Variants in PKD1 observed in about 807,000 individuals in gnomAD.
PKD1 encodes the protein polycystin 1, transient receptor potential channel interacting, also known as polycystin-1.
Under a neutral mutation model 361.7 loss-of-function variants are expected in PKD1, and 81 were observed. The observed-to-expected ratio is 0.22, with a 90% CI of 0.19 to 0.27. The LOEUF (loss-of-function observed/expected upper bound fraction) is 0.27, where lower values mean the gene tolerates loss of function less well. Ranked by LOEUF, PKD1 falls within the 10% of genes least tolerant of loss-of-function variation. The probability of loss-of-function intolerance (pLI) is 1.00; values close to 1 mark genes in which losing one functional copy is unlikely to be tolerated. For synonymous variants in PKD1, 3,615 were observed against 2,818.3 expected, an observed-to-expected ratio of 1.28 and a Z score of -8.95; for missense variants, 6,399 against 6,118.3, an observed-to-expected ratio of 1.05 and a Z score of -1.53.
chr16:2,103,833 C>G lies in PKD1; in HGVS notation c.8224G>C (p.Glu2742Gln), dbSNP rs202159463. 41 of 1,607,334 alleles carry G rather than the reference C, an allele frequency of 2.6e-5. No individual in the cohort carries two copies. Among genetic ancestry groups the G allele is most frequent in the Non-Finnish European group, 3.5e-5 (41 of 1,178,860 alleles). The change falls in exon 23 of 46, where the codon GAG becomes CAG. Residue 2742 changes from glutamate (E) to glutamine (Q), a missense_variant. Glu to Gln is a conservative substitution (Grantham distance 29). Coordinates refer to ENST00000262304, the MANE Select transcript of PKD1 (RefSeq NM_001009944.3). The part of the protein sequence containing the change: ...RAPQPSELGA[E>Q]SPSRMVASQA... ...GACGCCACCATCCGAGATGGTGACT[C>G]GGCTCCCAGCTCTGAGGGCTGTGGT...
Position 2,090,916 on chromosome 16 carries a change from C to T in PKD1, c.11971G>A (p.Ala3991Thr), listed in dbSNP as rs767201992. 37 of 1,590,282 alleles carry T rather than the reference C, an allele frequency of 2.3e-5. No individual in the cohort carries two copies. Among genetic ancestry groups the T allele is most frequent in the Non-Finnish European group, 3.1e-5 (36 of 1,174,798 alleles). ...AAAAGCAGGAAGAGCAGCGAGGCCGCCAGGCCACGGGCTGCGGAGCTCAGC... is the reference window on the plus strand; with the variant it reads ...AAAAGCAGGAAGAGCAGCGAGGCCGTCAGGCCACGGGCTGCGGAGCTCAGC... ...AQLSSAARGL[A>T]ASLLFLLLVK... Residue 3991 changes from alanine to threonine, a missense_variant, in exon 43 of 46, where the codon GCG becomes ACG. Coordinates refer to ENST00000262304, the MANE Select transcript of PKD1 (RefSeq NM_001009944.3).
intron 34 of PKD1, among the ~76,000 whole-genome samples, chr16:2,094,552 G>A (rs1408482293): frequency 6.6e-6 from 1 of 152,128 alleles, no homozygotes; most frequent in African/African-American, 2.4e-5. Flanking sequence ...ACTATGATTG[G>A]GTCTCAACCA....
chr16:2,134,684 G>A (rs548808581), intron 1 of PKD1, among the ~76,000 whole-genome samples: 1 of 149,664 alleles, frequency 6.7e-6, no homozygotes, highest in Non-Finnish European at 1.5e-5. Flanking sequence ...AAATCTCCAC[G>A]GTCCCTATGC....
chr16:2,120,202 A>C (rs2092698341), intron 1 of PKD1: 1 of 309,564 alleles, frequency 3.2e-6, no homozygotes, highest in Non-Finnish European at 5.9e-6. Flanking sequence ...AAACGGCGAG[A>C]CTCTACCTCA....
chr16:2,091,202 G>C (rs1000474665), intron 42 of PKD1, 28 bp from the exon 43 acceptor site: 5 of 1,330,496 alleles, frequency 3.8e-6, no homozygotes, highest in Non-Finnish European at 4.8e-6. Flanking sequence ...AGGAGGGCGG[G>C]AGGGACGCTG....
At chr16:2,119,969 G>C in intron 1 of PKD1, 1 of 601,518 alleles carries the variant, frequency 1.7e-6, no homozygotes, top group Non-Finnish European at 3.0e-6. Context: ...ACACAGCACC[G>C]TGGGAGCTGA....
Position 2,118,058 on chromosome 16 carries a change from C to T in PKD1, c.934G>A (p.Ala312Thr), listed in dbSNP as rs762814763. 9.3e-6 allele frequency: 15 copies of T among 1,605,224 alleles called. No individual in the cohort carries two copies. Among genetic ancestry groups the T allele is most frequent in the East Asian group, 6.7e-5 (3 of 44,852 alleles). ...GCCGGCCCAGCGGCATCCACCTCGG[C>T]GGAGCCGTCTCCGAAGTCCCAGCGT... Reference protein sequence around the residue: ...ATRWDFGDGSAEVDAAGPAAS... With the variant: ...ATRWDFGDGSTEVDAAGPAAS... The change falls in exon 5 of 46, where the codon GCC becomes ACC. Residue 312 changes from alanine (A) to threonine (T), a missense_variant. Transcript: ENST00000262304. This position sits in a 1 kb window ranked among gnomAD's most constrained non-coding sequence, Gnocchi z 6.0.
At position 2,103,663 on chromosome 16, in the gene PKD1, G is replaced by A. The variant is rs760811822; in HGVS notation, c.8394C>T (p.Gly2798=). ...AGAAGTGGCAGCCAGGCCCTGGGGC[G>A]CCGCCATAGCACAGCAGGCTCCGCG... is the stretch of plus-strand genomic sequence containing the variant. The part of the protein sequence containing the change: ...SDPRSLLCYG[G]APGPGCHFSI... The change falls in exon 23 of 46, where the codon GGC becomes GGT. Residue 2798 remains glycine (G), a synonymous_variant. Coordinates refer to ENST00000262304, the MANE Select transcript of PKD1 (RefSeq NM_001009944.3). 32 of 1,610,130 alleles carry A rather than the reference G, an allele frequency of 2.0e-5. 1 individual carries two copies. The highest frequency in any genetic ancestry group is 8.9e-5 in the East Asian group (4 of 44,842).
Position 2,117,471 on chromosome 16 carries a change from G to C in PKD1, c.1385+18C>G, listed in dbSNP as rs1185073057. 1 of 1,441,982 alleles carries C rather than the reference G, an allele frequency of 6.9e-7. No individual in the cohort carries two copies. Among genetic ancestry groups the C allele is most frequent in the African/African-American group, 1.4e-5 (1 of 71,298 alleles). The allele number at this position is 1,441,982 out of a possible 1,614,324, so 89.3% of individuals were successfully genotyped here. Reference sequence around the variant, plus strand: ...AGATCTCCCAACCTATGGCCCCTCGGGGGGTGGGGGCAGGCACCTGGTGAC... The same window carrying C: ...AGATCTCCCAACCTATGGCCCCTCGCGGGGTGGGGGCAGGCACCTGGTGAC... On this transcript the variant is annotated intron_variant, in intron 6 of 45. Coordinates refer to ENST00000262304, the MANE Select transcript of PKD1 (RefSeq NM_001009944.3).
chr16:2,123,896 GGGA>G (rs2092759857), intron 1 of PKD1, among the ~76,000 whole-genome samples: 1 of 152,194 alleles, frequency 6.6e-6, no homozygotes, highest in Non-Finnish European at 1.5e-5. Context: ...CAAGCTTGTC[GGGA>G]GGAGTACACC....
At chr16:2,092,229 C>G in intron 39 of PKD1, 41 bp from the exon 40 acceptor site, 2 of 1,547,014 alleles carry the variant, frequency 1.3e-6, no homozygotes, top group Non-Finnish European at 8.7e-7. Flanking sequence ...AGGGCCTCAT[C>G]AAAACCCAAC....
At chr16:2,091,235 G>T in intron 42 of PKD1, 61 bp from the exon 43 acceptor site, 1 of 767,036 alleles carries the variant, frequency 1.3e-6, no homozygotes, top group Admixed American at 5.3e-5. Context: ...CCTGCGAGGG[G>T]GCGGGACGCT....
rs201320899 is a variant in PKD1 at position 2,110,877 on chromosome 16, C to T, written c.4290G>A (p.Glu1430=). ...EAAPTRARGP[E]VTFIYRDPGS... is the part of the protein sequence containing the mutation. ...CTGGGTCTCGGTAGATGAACGTCAC[C>T]TCAGGGCCCCTGGCACGGGTGGGGG... Residue 1430 remains glutamate, a synonymous_variant, in exon 15 of 46, where the codon GAG becomes GAA. Transcript: ENST00000262304. 1.7e-5 allele frequency: 27 copies of T among 1,611,766 alleles called. No homozygotes were observed. The East Asian group carries it at 6.0e-4, about 36-fold the overall frequency.
Position 2,092,136 on chromosome 16 carries a change from T to A in PKD1, c.11322A>T (p.Gly3774=). The A allele has an allele frequency of 6.2e-7, 1 of 1,612,674 alleles. No individual in the cohort carries two copies. Among genetic ancestry groups the A allele is most frequent in the Non-Finnish European group, 8.5e-7 (1 of 1,179,914 alleles). ...CGTCGTAATCGCTGGTGCTGAAGCC[T>A]CCTGCGGCCGAGCACGTGTGGACCC... ...GPRVHTCSAA[G]GFSTSDYDVG... is the part of the protein sequence containing the mutation. Residue 3774 remains glycine, a synonymous_variant, in exon 40 of 46, where the codon GGA becomes GGT. Transcript: ENST00000262304.
At chr16:2,112,693 G>A in intron 13 of PKD1, 95 bp downstream of exon 13, 12 of 1,400,226 alleles carry the variant, frequency 8.6e-6, no homozygotes, top group Admixed American at 1.8e-5. Context: ...CCGAGGCTCA[G>A]AAAAGCAACC....
chr16:2,092,082 C>T lies in PKD1; in HGVS notation c.11376G>A (p.Ser3792=), dbSNP rs201509188. 5 of 1,611,178 alleles carry T rather than the reference C, an allele frequency of 3.1e-6. No individual in the cohort carries two copies. Among genetic ancestry groups the T allele is most frequent in the South Asian group, 2.2e-5 (2 of 91,040 alleles). Residue 3792 remains serine, a synonymous_variant, in exon 40 of 46, where the codon TCG becomes TCA. Coordinates refer to ENST00000262304, the MANE Select transcript of PKD1 (RefSeq NM_001009944.3). ...CCGGCGCTGAATAGGCCCACGTCCCCGAGCCATTGTGAGGACTCTCCCAGC... is the reference window on the plus strand; with the variant it reads ...CCGGCGCTGAATAGGCCCACGTCCCTGAGCCATTGTGAGGACTCTCCCAGC... The part of the protein sequence containing the change: ...DVGWESPHNG[S]GTWAYSAPDL...
chr16:2,106,573 C>T lies in PKD1; in HGVS notation c.7314G>A (p.Leu2438=), dbSNP rs756254092. Residue 2438 remains leucine (L), a synonymous_variant, in exon 18 of 46, where the codon CTG becomes CTA. Coordinates refer to ENST00000262304, the MANE Select transcript of PKD1 (RefSeq NM_001009944.3). This position sits in a 1 kb window ranked among gnomAD's most constrained non-coding sequence, Gnocchi z 6.5. The stretch of plus-strand genomic sequence containing the variant: ...TGAAGGTGTATCCCTCGCCGTCCCG[C>T]AGCACGCCCCGCCGCAGCACCAGTC... ...GMRLVLRRGV[L]RDGEGYTFTL... 1.5e-5 allele frequency: 24 copies of T among 1,596,514 alleles called. No homozygotes were observed. Among genetic ancestry groups the T allele is most frequent in the Non-Finnish European group, 2.0e-5 (24 of 1,178,794 alleles).
intron 15 of PKD1, 39 bp downstream of exon 15, chr16:2,108,213 G>A (rs368203273): frequency 2.6e-4 from 413 of 1,563,808 alleles, no homozygotes; most frequent in Middle Eastern, 4.6e-4. Flanking sequence ...GGGTGTGGAC[G>A]GGTGAGGGGC....
Position 2,102,142 on chromosome 16 carries a change from C to T in PKD1, c.9316G>A (p.Gly3106Ser), listed in dbSNP as rs1453041169. ...HKLDQLDASR[G>S]RAIPFCGQRG... is the part of the protein sequence containing the mutation. The stretch of plus-strand genomic sequence containing the variant: ...TGCCCACAGAAAGGGATGGCGCGGC[C>T]CCGGCTGGCATCCAACTGGTCCAGC... The change falls in exon 26 of 46, where the codon GGC becomes AGC. Residue 3106 changes from glycine to serine, a missense_variant. Physicochemically the swap from Gly to Ser is moderately conservative, Grantham distance 56. Transcript: ENST00000262304. The T allele has an allele frequency of 6.4e-7, 1 of 1,569,454 alleles. No homozygotes were observed. The highest frequency in any genetic ancestry group is 8.7e-7 in the Non-Finnish European group (1 of 1,150,040).
Sources: gnomAD v4.1 joint callset for allele counts (sites outside exome capture counted in the v4.1 genomes callset) on GRCh38, gnomAD v4.1.1 for gene constraint, Gnocchi (gnomAD v3.1) non-coding constraint, MANE v1.5 for transcripts, NCBI Gene and HGNC (gene_info 2026-07-23, HGNC 2026-07-21) for gene names.